Variants in CEP170B observed in about 807,000 individuals in gnomAD.
CEP170B encodes centrosomal protein of 170 kDa protein B.
A neutral mutation model predicts 120.6 loss-of-function variants in CEP170B; 55 were observed. The observed-to-expected ratio is 0.46, with a 90% CI of 0.37 to 0.57. CEP170B has a LOEUF of 0.57. Among genes scored for constraint, CEP170B ranks in the 20% least tolerant of loss-of-function variants. CEP170B has a pLI of 0.00. For missense variants in CEP170B, 2,212 were observed against 2,253.3 expected (o/e 0.98, Z 0.37); for synonymous variants, 1,033 against 954.5 (o/e 1.08, Z -1.52).
Position 104,895,024 on chromosome 14 carries a change from C to T in CEP170B, c.*66C>T. ...TCTCTGCCTTCCGTCCGCCGCACAC[C>T]CGCCTGCCTGGCCGCAGGTGGTTCT... On this transcript the variant is annotated 3_prime_UTR_variant, in exon 19 of 19. Transcript: ENST00000414716. 1 of 1,448,006 alleles carries T rather than the reference C, an allele frequency of 6.9e-7. No individual in the cohort carries two copies. The highest frequency in any genetic ancestry group is 1.4e-5 in the South Asian group (1 of 69,672). The allele number at this position is 1,448,006 out of a possible 1,614,324, so 89.7% of individuals were successfully genotyped here.
rs562435111 is a variant in CEP170B at position 104,870,936 on chromosome 14, C to T, written c.105+2381C>T. Among the ~76,000 whole-genome samples the T allele has an allele frequency of 1.3e-5, 2 of 152,158 alleles. No homozygotes were observed. The highest frequency in any genetic ancestry group is 1.9e-4 in the East Asian group (1 of 5,176). On this transcript the variant is annotated intron_variant, in intron 2 of 18. Coordinates refer to ENST00000414716, the MANE Select transcript of CEP170B (RefSeq NM_001112726.3). This position sits in a 1 kb window ranked among gnomAD's most constrained non-coding sequence, Gnocchi z 4.1. ...CTGCAGCGGCCTCCTACCTGCCCAC[C>T]GCTGCCCCCTGCCGGCCTCTGTCAC...
At chr14:104,890,338 ATGAGTGTG>A (rs1896757242) in intron 13 of CEP170B, among the ~76,000 whole-genome samples, 3 of 73,946 alleles carry the variant, frequency 4.1e-5, no homozygotes, top group Admixed American at 1.3e-4. Context: ...GGATGGATGG[ATGAGTGTG>A]TGGATGGATG....
At chr14:104,881,475 C>T (rs187927239) in intron 6 of CEP170B, among the ~76,000 whole-genome samples, 16 of 152,312 alleles carry the variant, frequency 1.1e-4, no homozygotes, top group Non-Finnish European at 1.3e-4. Context: ...CCGCAGCTGC[C>T]GGTGTCTGGT....
At chr14:104,872,312 T>G (rs1895564554) in intron 2 of CEP170B, among the ~76,000 whole-genome samples, 1 of 72,136 alleles carries the variant, frequency 1.4e-5, no homozygotes, top group Non-Finnish European at 3.1e-5. Context: ...TGGGTGTGCG[T>G]GTGTGCCGTG....
At position 104,886,888 on chromosome 14, in the gene CEP170B, C is replaced by T; in HGVS notation, c.2649C>T (p.Pro883=). ...PASGPPAPGK[P]PHISSHPLLQ... ...GTGGTCCCCCAGCGCCCGGCAAGCCCCCCCACATCTCCAGCCACCCGCTTC... is the reference window on the plus strand; with the variant it reads ...GTGGTCCCCCAGCGCCCGGCAAGCCTCCCCACATCTCCAGCCACCCGCTTC... The change falls in exon 12 of 19, where the codon CCC becomes CCT. Residue 883 remains proline (P), a synonymous_variant. Transcript: ENST00000414716. 6.2e-7 allele frequency: 1 copy of T among 1,610,542 alleles called. No homozygotes were observed. The highest frequency in any genetic ancestry group is 8.5e-7 in the Non-Finnish European group (1 of 1,179,816).
rs752674584 is a variant in CEP170B at position 104,887,571 on chromosome 14, G to T, written c.3332G>T (p.Arg1111Leu). ...CAGAAGGGGCCGCAGGCCTTGACCC[G>T]CTCCAACAGCCTGTCCACCCCTCGC... ...SSQKGPQALT[R>L]SNSLSTPRPT... The change falls in exon 12 of 19, where the codon CGC becomes CTC. Residue 1111 changes from arginine to leucine, a missense_variant. By Grantham distance (102) the Arg-to-Leu change is moderately radical. Around this residue, in one of 2 missense-constraint regions of CEP170B, gnomAD observed 2,166 missense variants for 2,166.7 expected, o/e 1.00. Transcript: ENST00000414716. 2 of 1,595,510 alleles carry T rather than the reference G, an allele frequency of 1.3e-6. No homozygotes were observed. The highest frequency in any genetic ancestry group is 1.7e-6 in the Non-Finnish European group (2 of 1,172,722).
Position 104,896,485 on chromosome 14 carries a change from T to A in CEP170B, c.*1527T>A, listed in dbSNP as rs931915551. On this transcript the variant is annotated 3_prime_UTR_variant, in exon 19 of 19. Transcript: ENST00000414716. Reference sequence around the variant, plus strand: ...GCCCCTGGACATGAAGTGGTCACGCTTCATCCACGGCTCCTTCCCACCCCT... The same window carrying A: ...GCCCCTGGACATGAAGTGGTCACGCATCATCCACGGCTCCTTCCCACCCCT... The A allele has an allele frequency of 4.5e-6, 2 of 440,428 alleles. No individual in the cohort carries two copies. Among genetic ancestry groups the A allele is most frequent in the African/African-American group, 4.1e-5 (2 of 49,080 alleles). 27.3% of individuals were successfully genotyped at this position (440,428 alleles called of 1,614,324 possible). A position where few individuals can be genotyped will look rare whatever the true frequency, so the allele number is the denominator to read the frequency against.
In CEP170B at chr14:104,884,337, G is replaced by A. The variant is rs780048597; in HGVS notation, c.1558G>A (p.Glu520Lys). The A allele has an allele frequency of 2.5e-4, 388 of 1,544,106 alleles. No homozygotes were observed. The highest frequency in any genetic ancestry group is 3.0e-4 in the Non-Finnish European group (343 of 1,145,050). The change falls in exon 9 of 19, where the codon GAG (glutamate) becomes AAG (lysine). Residue 520 changes from glutamate (E) to lysine (K), a missense_variant. Glu to Lys is a moderately conservative substitution (Grantham distance 56, BLOSUM62 1). Around this residue, in one of 2 missense-constraint regions of CEP170B, gnomAD observed 2,166 missense variants for 2,166.7 expected, o/e 1.00. Transcript: ENST00000414716. ...CTCCCCGGCCGCCCGGCCCAGCCCC[G>A]AGAAGGTTCCTCCGGTGCTGCCCGC... ...ESSPAARPSP[E>K]KVPPVLPAPL...
chr14:104,896,096 G>A lies in CEP170B; in HGVS notation c.*1138G>A, dbSNP rs149168173. 4.0e-3 allele frequency: 634 copies of A among 159,334 alleles called. 4 individuals carry two copies. The highest frequency in any genetic ancestry group is 0.015 in the African/African-American group (620 of 41,742). 9.9% of individuals were successfully genotyped at this position (159,334 alleles called of 1,614,324 possible). ...TTGGCCGTGGTTGGTGGGGGTGGAC[G>A]TGGGGGTGTCCCACCTGGACCAGAC... On this transcript the variant is annotated 3_prime_UTR_variant, in exon 19 of 19. Transcript: ENST00000414716.
At chr14:104,889,823 G>A (rs1665639320) in intron 13 of CEP170B, 65 bp downstream of exon 13, 2 of 1,532,354 alleles carry the variant, frequency 1.3e-6, no homozygotes, top group Admixed American at 3.7e-5. Flanking sequence ...AGAGCACCCT[G>A]AGGGCAGGGA....
At chr14:104,884,729 C>A (rs182264948) in intron 9 of CEP170B, among the ~76,000 whole-genome samples, 180 bp downstream of exon 9, 4 of 8,504 alleles carry the variant, frequency 4.7e-4, no homozygotes, top group Admixed American at 3.1e-3. Context: ...GAGTGAGAGC[C>A]CTCGTGGGGA....
rs923963324 is a variant in CEP170B, at chr14:104,886,155, G to C, written c.2035+25G>C. ...GGTAAGTGGCTCCAGTGCTGCGGGG[G>C]AGTCGGGCCAGGCCGGGGCGGGCCT... On this transcript the variant is annotated intron_variant, in intron 11 of 18. Transcript: ENST00000414716. 4.0e-6 allele frequency: 6 copies of C among 1,513,610 alleles called. No homozygotes were observed. The African/African-American group carries it at 6.9e-5, about 17-fold the overall frequency. The allele number at this position is 1,513,610 out of a possible 1,614,324, so 93.8% of individuals were successfully genotyped here.
Position 104,889,668 on chromosome 14 carries a change from C to T in CEP170B, c.3788C>T (p.Ala1263Val). ...AGSSSRARSR[A>V]PGPRDTDDDE... is the part of the protein sequence containing the mutation. ...AGCTCCAGCCGGGCTCGTTCCCGGG[C>T]CCCCGGCCCCCGGGACACGGACGAC... The change falls in exon 13 of 19, where the codon GCC becomes GTC. Residue 1263 changes from alanine to valine, a missense_variant. By Grantham distance (64) the Ala-to-Val change is moderately conservative. Around this residue, in one of 2 missense-constraint regions of CEP170B, gnomAD observed 2,166 missense variants for 2,166.7 expected, o/e 1.00. Transcript: ENST00000414716. 1.2e-6 allele frequency: 2 copies of T among 1,611,262 alleles called. No individual in the cohort carries two copies. Among genetic ancestry groups the T allele is most frequent in the Non-Finnish European group, 1.7e-6 (2 of 1,179,364 alleles).
chr14:104,893,107 C>G lies in CEP170B; in HGVS notation c.4010C>G (p.Pro1337Arg). 1 of 1,609,434 alleles carries G rather than the reference C, an allele frequency of 6.2e-7. No individual in the cohort carries two copies. Among genetic ancestry groups the G allele is most frequent in the Non-Finnish European group, 8.5e-7 (1 of 1,179,230 alleles). Residue 1337 changes from proline (P) to arginine (R), a missense_variant, in exon 14 of 19, where the codon CCC (proline) becomes CGC (arginine). Transcript: ENST00000414716. ...TCCCTCAGCAACATGCCCAGCACCC[C>G]CGCCTCGACCATCTCTGCCCGGGAG... is the stretch of plus-strand genomic sequence containing the variant. Reference protein sequence around the residue: ...SASLSNMPSTPASTISAREEL... With the variant: ...SASLSNMPSTRASTISAREEL...
chr14:104,879,729 C>T (rs972296193), intron 5 of CEP170B, among the ~76,000 whole-genome samples: 8 of 152,148 alleles, frequency 5.3e-5, no homozygotes, highest in Non-Finnish European at 1.0e-4. Flanking sequence ...GCCCTTTCCC[C>T]GGTGTGCTGG....
upstream of CEP170B, chr14:104,865,214 G>A (rs1595299895): frequency 1.4e-5 from 2 of 142,616 alleles, no homozygotes; most frequent in East Asian, 2.1e-4. The surrounding 1 kb of genome is among the most constrained non-coding windows in gnomAD (Gnocchi z 6.7). Context: ...GGGGCGGGGC[G>A]GGCGGGGGCG....
At chr14:104,881,264 A>G (rs1442485727) in intron 6 of CEP170B, among the ~76,000 whole-genome samples, 2 of 150,232 alleles carry the variant, frequency 1.3e-5, no homozygotes, top group Non-Finnish European at 3.0e-5. Context: ...AGAGTGAGAA[A>G]GTGCCTGGTG....
chr14:104,885,299 C>G (rs1188709936), intron 9 of CEP170B, 70 bp from the exon 10 acceptor site: 4 of 1,450,078 alleles, frequency 2.8e-6, no homozygotes, highest in African/African-American at 1.5e-5. Context: ...TGGGGGTGGC[C>G]AGTGTCAGTG....
rs747958247 is a variant in CEP170B at position 104,894,806 on chromosome 14, C to G, written c.4513C>G (p.Arg1505Gly). Residue 1505 changes from arginine to glycine, a missense_variant, in exon 19 of 19, where the codon CGC becomes GGC. Arg to Gly is a moderately radical substitution (Grantham distance 125). Transcript: ENST00000414716. The stretch of plus-strand genomic sequence containing the variant: ...TGCACAGCCGGGGCTGGGGAAGGGC[C>G]GCGTGGCTGCCCAGAGCCCACCCTC... The part of the protein sequence containing the change: ...SSAQPGLGKG[R>G]VAAQSPPSPA... 1 of 1,608,276 alleles carries G rather than the reference C, an allele frequency of 6.2e-7. No individual in the cohort carries two copies. The highest frequency in any genetic ancestry group is 8.5e-7 in the Non-Finnish European group (1 of 1,179,216).
Sources: allele counts gnomAD v4.1 joint callset (sites outside exome capture counted in the v4.1 genomes callset), GRCh38; gene constraint gnomAD v4.1.1; regional missense constraint gnomAD v4.1.1; non-coding constraint Gnocchi (gnomAD v3.1); transcripts MANE v1.5; gene names NCBI Gene and HGNC (gene_info 2026-07-23, HGNC 2026-07-21).